The following SFMBT1 variants were observed in gnomAD, a reference collection of about 807,000 sequenced individuals.
SFMBT1 encodes the protein Scm like with four mbt domains 1.
In SFMBT1, 32 loss-of-function variants were observed where a neutral mutation model predicts 108.7. The observed-to-expected ratio is 0.29, with a 90% CI of 0.22 to 0.40. The LOEUF (loss-of-function observed/expected upper bound fraction) is 0.40, where lower values mean the gene tolerates loss of function less well. Among genes scored for constraint, SFMBT1 ranks in the 10% least tolerant of loss-of-function variants. The pLI, the probability that SFMBT1 is intolerant of heterozygous loss-of-function variation, is 1.00. For synonymous variants in SFMBT1, 348 were observed against 369.5 expected (o/e 0.94, Z 0.67); for missense variants, 816 against 1,059.6 (o/e 0.77, Z 3.19).
intron 1 of SFMBT1, among the ~76,000 whole-genome samples, chr3:53,039,935 C>T (rs916550909): frequency 1.3e-5 from 2 of 152,264 alleles, no homozygotes. Context: ...ATGTTCTAGA[C>T]AGGCAATATG....
At chr3:52,969,051 T>C (rs369931673) in intron 2 of SFMBT1, 50 bp downstream of exon 2, 3 of 1,599,436 alleles carry the variant, frequency 1.9e-6, no homozygotes, top group Non-Finnish European at 2.6e-6. Context: ...CACAGGCAAG[T>C]AATATAATTG....
rs1216070499 is a variant in SFMBT1, at chr3:52,921,758, C to T, written c.1205G>A (p.Cys402Tyr). 2 of 1,614,128 alleles carry T rather than the reference C, an allele frequency of 1.2e-6. No homozygotes were observed. The highest frequency in any genetic ancestry group is 1.7e-6 in the Non-Finnish European group (2 of 1,180,024). Residue 402 changes from cysteine (C) to tyrosine (Y), a missense_variant, in exon 11 of 21, where the codon TGT becomes TAT. This residue lies in a region of SFMBT1 where 495 missense variants were observed against 607.4 expected (regional missense o/e 0.81). Coordinates refer to ENST00000394752, the MANE Select transcript of SFMBT1 (RefSeq NM_016329.4). ...AVNPILPEEV[C>Y]VATITAVRGS... ...TCTCACTGCAGTGATGGTAGCAACA[C>T]ACACTTCTTCAGGGAGAATGGGGTT... is the stretch of plus-strand genomic sequence containing the variant.
chr3:52,973,325 AG>A (rs1185608240), intron 1 of SFMBT1, among the ~76,000 whole-genome samples: 1 of 152,230 alleles, frequency 6.6e-6, no homozygotes, highest in African/African-American at 2.4e-5. Context: ...TGAACTAAAT[AG>A]GTGCCTAGAT....
At chr3:53,026,600 C>G (rs1385999980) in intron 1 of SFMBT1, among the ~76,000 whole-genome samples, 1 of 152,176 alleles carries the variant, frequency 6.6e-6, no homozygotes, top group African/African-American at 2.4e-5. Flanking sequence ...CCCTCCCTCC[C>G]TGTGCCCCCA....
chr3:53,004,774 G>A (rs926638623), intron 1 of SFMBT1, among the ~76,000 whole-genome samples: 3 of 141,078 alleles, frequency 2.1e-5, no homozygotes, highest in Admixed American at 7.3e-5. Flanking sequence ...TGTAACATAG[G>A]GCCTCCACCT....
intron 14 of SFMBT1, 152 bp from the exon 15 acceptor site, chr3:52,913,769 G>A: frequency 1.2e-6 from 1 of 835,838 alleles, no homozygotes; most frequent in South Asian, 1.9e-5. Flanking sequence ...CATGTTGTCT[G>A]AGAATGCTCT....
At chr3:53,022,693 G>A (rs1034694273) in intron 1 of SFMBT1, among the ~76,000 whole-genome samples, 6 of 152,134 alleles carry the variant, frequency 3.9e-5, no homozygotes, top group African/African-American at 1.4e-4. Context: ...CCACTTCTAT[G>A]AGGTACCTAA....
rs59842273 is a variant in SFMBT1 at position 52,949,568 on chromosome 3, CTTTTT to C, written c.123+4744_123+4748del. On this transcript the variant is annotated intron_variant, in intron 3 of 20. Coordinates refer to ENST00000394752, the MANE Select transcript of SFMBT1 (RefSeq NM_016329.4). The stretch of plus-strand genomic sequence containing the variant: ...CCCTTTATTATTATGTAATGTCCTT[CTTTTT>C]TTTTTTTTTTTTTTTTTTTTTTGAG... Among the ~76,000 whole-genome samples the C allele has an allele frequency of 4.4e-3, 341 of 77,350 alleles. 1 individual carries two copies. Among genetic ancestry groups the C allele is most frequent in the African/African-American group, 0.018 (312 of 17,500 alleles). The allele number at this position is 77,350 out of a possible 152,430, so 50.7% of individuals were successfully genotyped here. A position where few individuals can be genotyped will look rare whatever the true frequency, so the allele number is the denominator to read the frequency against.
chr3:52,931,288 A>G lies in SFMBT1; in HGVS notation c.701-253T>C, dbSNP rs186430250. Among the ~76,000 whole-genome samples the G allele has an allele frequency of 5.4e-3, 826 of 152,334 alleles. 35 individuals carry two copies. Among genetic ancestry groups the G allele is most frequent in the Admixed American group, 0.051 (775 of 15,304 alleles). On this transcript the variant is annotated intron_variant, in intron 6 of 20. Coordinates refer to ENST00000394752, the MANE Select transcript of SFMBT1 (RefSeq NM_016329.4). The stretch of plus-strand genomic sequence containing the variant: ...CATAATGATTGTTGTAATCCATAAA[A>G]TTGTAATATAACATCCAAATTGGGG...
intron 1 of SFMBT1, among the ~76,000 whole-genome samples, chr3:53,032,518 C>T (rs1016555285): frequency 4.6e-5 from 7 of 152,146 alleles, no homozygotes; most frequent in Non-Finnish European, 8.8e-5. Context: ...ATTCTAATTA[C>T]GATGGAAAGC....
At chr3:53,015,922 T>C (rs1229584147) in intron 1 of SFMBT1, among the ~76,000 whole-genome samples, 1 of 152,174 alleles carries the variant, frequency 6.6e-6, no homozygotes, top group Admixed American at 6.5e-5. Flanking sequence ...AGTAGGTGAT[T>C]TTCCTCTTAT....
intron 19 of SFMBT1, 53 bp from the exon 20 acceptor site, chr3:52,906,294 T>TA (rs35020648): frequency 3.7e-6 from 6 of 1,611,540 alleles, no homozygotes; most frequent in Middle Eastern, 1.6e-4. Flanking sequence ...TATTTTATTC[T>TA]AAAAAAGTCT....
intron 5 of SFMBT1, among the ~76,000 whole-genome samples, chr3:52,933,774 C>T (rs768765822): frequency 2.6e-5 from 4 of 151,996 alleles, no homozygotes; most frequent in Admixed American, 6.6e-5. Context: ...GTAAATGTAA[C>T]CATAAAACTC....
intron 1 of SFMBT1, among the ~76,000 whole-genome samples, chr3:52,993,762 T>G (rs914046329): frequency 6.7e-6 from 1 of 150,224 alleles, no homozygotes; most frequent in African/African-American, 2.4e-5. Context: ...TAGCAAGCGC[T>G]CAATATAATT....
intron 1 of SFMBT1, among the ~76,000 whole-genome samples, chr3:53,026,949 A>G (rs557336959): frequency 1.3e-5 from 2 of 152,050 alleles, no homozygotes; most frequent in South Asian, 4.2e-4. Context: ...CACCTGGCTA[A>G]TTTTTCAATT....
Position 52,992,354 on chromosome 3 carries a change from T to C in SFMBT1, c.-130-23096A>G, listed in dbSNP as rs149715402. On this transcript the variant is annotated intron_variant, in intron 1 of 20. Transcript: ENST00000394752. ...GGGTAAGTGTTTGAGGATGGACACC[T>C]CTATTTTACATTACGTGATTATTAC... is the stretch of plus-strand genomic sequence containing the variant. 1.1e-4 allele frequency among the ~76,000 whole-genome samples: 17 copies of C among 152,344 alleles called. No individual in the cohort carries two copies. In the East Asian group the frequency reaches 2.5e-3, roughly 22 times the overall value.
chr3:53,000,846 T>A (rs1047647682), intron 1 of SFMBT1, among the ~76,000 whole-genome samples: 1 of 150,214 alleles, frequency 6.7e-6, no homozygotes. Context: ...ATTACAAAAA[T>A]TTTTTAATGG....
intron 1 of SFMBT1, among the ~76,000 whole-genome samples, chr3:52,998,970 C>A (rs548145553): frequency 1.3e-5 from 2 of 150,910 alleles, no homozygotes; most frequent in African/African-American, 4.8e-5. Flanking sequence ...TCAGCTGGTG[C>A]GCGAGCTGGG....
At chr3:52,956,771 TAAATA>T (rs1210527977) in intron 2 of SFMBT1, among the ~76,000 whole-genome samples, 1 of 151,818 alleles carries the variant, frequency 6.6e-6, no homozygotes, top group African/African-American at 2.4e-5. Flanking sequence ...AAAAAATCAA[TAAATA>T]AAATAAAATA....
Sources: allele counts gnomAD v4.1 joint callset (sites outside exome capture counted in the v4.1 genomes callset), GRCh38; gene constraint gnomAD v4.1.1; regional missense constraint gnomAD v4.1.1; transcripts MANE v1.5; gene names NCBI Gene and HGNC (gene_info 2026-07-23, HGNC 2026-07-21).